VDR: variants seen among roughly 807,000 people sequenced by gnomAD.
VDR encodes the protein vitamin D3 receptor.
Under a neutral mutation model 39.7 loss-of-function variants are expected in VDR, and 19 were observed. The ratio of observed to expected loss-of-function variants is 0.48; its 90% CI spans 0.33 to 0.70. The LOEUF (loss-of-function observed/expected upper bound fraction) is 0.70. Among genes scored for constraint, VDR ranks in the 30% least tolerant of loss-of-function variants. The pLI is 0.02. For missense variants in VDR, 442 were observed against 570.5 expected, an observed-to-expected ratio of 0.77 and a Z score of 2.29; for synonymous variants, 242 against 215.8, an observed-to-expected ratio of 1.12 and a Z score of -1.07.
chr12:47,894,802 T>G (rs1312249451), intron 1 of VDR, among the ~76,000 whole-genome samples: 1 of 152,186 alleles, frequency 6.6e-6, no homozygotes, highest in African/African-American at 2.4e-5. Context: ...CCATGTCCAC[T>G]CCCTTACTCT....
chr12:47,856,621 T>TA (rs1565612961), intron 6 of VDR, among the ~76,000 whole-genome samples: 27 of 122,978 alleles, frequency 2.2e-4, no homozygotes, highest in African/African-American at 7.2e-4. Context: ...TGTGTTTTTT[T>TA]TAAAAAAAAA....
intron 9 of VDR, 50 bp from the exon 10 acceptor site, chr12:47,845,055 C>A: frequency 6.2e-7 from 1 of 1,600,322 alleles, no homozygotes; most frequent in Non-Finnish European, 8.5e-7. Context: ...CAGCTGGGCC[C>A]CTCACTGCTC....
intron 1 of VDR, among the ~76,000 whole-genome samples, chr12:47,893,911 C>T (rs1248646428): frequency 6.6e-6 from 1 of 152,210 alleles, no homozygotes. Flanking sequence ...GCCTTACCCT[C>T]AGAGCTATAA....
chr12:47,897,417 C>A (rs772454266), intron 1 of VDR, among the ~76,000 whole-genome samples: 3 of 152,186 alleles, frequency 2.0e-5, no homozygotes, highest in Non-Finnish European at 4.4e-5. Context: ...CTGATCCCAG[C>A]ACAGGCCTGG....
At chr12:47,871,292 C>CTCTTTT (rs1555153494) in intron 3 of VDR, among the ~76,000 whole-genome samples, 10 of 79,880 alleles carry the variant, frequency 1.3e-4, no homozygotes, top group African/African-American at 4.6e-4. Context: ...CTTTCTCTTT[C>CTCTTTT]TCTTTCTTTC....
chr12:47,841,976 C>T lies in VDR; in HGVS notation c.*2770G>A, dbSNP rs1379288752. On this transcript the variant is annotated 3_prime_UTR_variant, in exon 10 of 10. Transcript: ENST00000549336. ...ATGACCTTTTCTCCCCGTTCAGCCC[C>T]ATAAAAACTCATTTTCCCCTCTTTT... The T allele has an allele frequency of 6.6e-6, 1 of 152,376 alleles. No individual in the cohort carries two copies. Among genetic ancestry groups the T allele is most frequent in the African/African-American group, 2.4e-5 (1 of 41,436 alleles). The allele number at this position is 152,376 out of a possible 1,614,324, so 9.4% of individuals were successfully genotyped here.
At chr12:47,898,715 C>T (rs954869870) in intron 1 of VDR, 4 of 155,316 alleles carry the variant, frequency 2.6e-5, no homozygotes, top group African/African-American at 9.6e-5. Context: ...TGGTGTGCAT[C>T]GACATGGATG....
intron 3 of VDR, among the ~76,000 whole-genome samples, chr12:47,869,020 C>G (rs936555182): frequency 6.6e-6 from 1 of 152,240 alleles, no homozygotes; most frequent in Non-Finnish European, 1.5e-5. Flanking sequence ...GAGGCCCCGT[C>G]TGTCCTTCCC....
At chr12:47,884,749 A>G (rs1387852030) in intron 1 of VDR, among the ~76,000 whole-genome samples, 2 of 152,080 alleles carry the variant, frequency 1.3e-5, no homozygotes, top group African/African-American at 2.4e-5. Context: ...TGCAGAGAAC[A>G]ATCCCCAGGT....
chr12:47,887,128 A>G (rs1485792640), intron 1 of VDR, among the ~76,000 whole-genome samples: 1 of 152,102 alleles, frequency 6.6e-6, no homozygotes, highest in Non-Finnish European at 1.5e-5. Flanking sequence ...CCTGGCTAAC[A>G]TGGCGAAACC....
At chr12:47,886,616 G>A (rs138068535) in intron 1 of VDR, among the ~76,000 whole-genome samples, 1 of 152,298 alleles carries the variant, frequency 6.6e-6, no homozygotes, top group African/African-American at 2.4e-5. Flanking sequence ...TTAAATATGT[G>A]TAAGAACGAT....
At chr12:47,897,367 T>C (rs111336890) in intron 1 of VDR, among the ~76,000 whole-genome samples, 7,013 of 152,188 alleles carry the variant, frequency 0.046, 266 homozygotes, top group African/African-American at 0.1. Flanking sequence ...CTGGGTGGAA[T>C]TGGGGTGAGG....
chr12:47,889,915 C>A (rs1946333990), intron 1 of VDR, among the ~76,000 whole-genome samples: 1 of 152,198 alleles, frequency 6.6e-6, no homozygotes, highest in African/African-American at 2.4e-5. Context: ...TCCCTCCAGG[C>A]TAAGCATCTG....
intron 3 of VDR, among the ~76,000 whole-genome samples, chr12:47,873,499 C>T (rs1182661247): frequency 1.3e-5 from 2 of 150,286 alleles, no homozygotes; most frequent in African/African-American, 2.4e-5. Context: ...GTAGCTGGGA[C>T]TACAGGCGCC....
intron 3 of VDR, among the ~76,000 whole-genome samples, chr12:47,870,247 T>C (rs2137178364): frequency 6.6e-6 from 1 of 152,338 alleles, no homozygotes; most frequent in South Asian, 2.1e-4. Context: ...ATTTACTCTC[T>C]GCCCACGAGG....
intron 1 of VDR, among the ~76,000 whole-genome samples, chr12:47,885,726 C>G (rs557787233): frequency 6.6e-6 from 1 of 152,302 alleles, no homozygotes; most frequent in South Asian, 2.1e-4. Flanking sequence ...GAGACAAGGT[C>G]TCCTCTGTTA....
At chr12:47,895,469 T>C (rs1024905848) in intron 1 of VDR, among the ~76,000 whole-genome samples, 1 of 151,956 alleles carries the variant, frequency 6.6e-6, no homozygotes, top group East Asian at 1.9e-4. Context: ...CTGAAAGCTT[T>C]CTTTCTAACT....
chr12:47,863,573 T>C (rs1265154165), intron 4 of VDR, among the ~76,000 whole-genome samples: 2 of 152,126 alleles, frequency 1.3e-5, no homozygotes, highest in African/African-American at 2.4e-5. Flanking sequence ...CCACTGAGAA[T>C]GTGTGTGAAG....
In VDR at chr12:47,846,732, AC is replaced by A; in HGVS notation, c.831del (p.Glu277AspfsTer24). ...CAGGACATGTCGTCCATGGTGAAGG[AC>A]TCATTGGAGCGCAACATGATGACCT... ...AIEVIMLRSNESFTMDDMSWT... is the reference protein window; with the variant it reads ...AIEVIMLRSNXSFTMDDMSWT... On this transcript the variant is annotated frameshift_variant, in exon 8 of 10. Transcript: ENST00000549336. LOFTEE classifies it high-confidence loss of function. 1.2e-6 allele frequency: 2 copies of A among 1,614,100 alleles called. No homozygotes were observed. Among genetic ancestry groups the A allele is most frequent in the South Asian group, 2.2e-5 (2 of 91,078 alleles).
Sources: gnomAD v4.1 joint callset for allele counts (sites outside exome capture counted in the v4.1 genomes callset) on GRCh38, gnomAD v4.1.1 for gene constraint, MANE v1.5 for transcripts, NCBI Gene and HGNC (gene_info 2026-07-23, HGNC 2026-07-21) for gene names.